Variants in BLK observed in about 807,000 individuals in gnomAD.
BLK encodes the protein BLK proto-oncogene, Src family tyrosine kinase, also known as tyrosine-protein kinase Blk.
BLK carries 64 observed loss-of-function variants against 61.8 expected under a neutral mutation model. That is an observed-to-expected ratio of 1.03 (90% CI 0.85 to 1.27). BLK has a LOEUF of 1.27. Among genes scored for constraint, BLK ranks in the 50% most tolerant of loss-of-function variants. The pLI is 0.00. For missense variants in BLK, 853 were observed against 660.5 expected (o/e 1.29, Z -3.19); for synonymous variants, 351 against 272.0 (o/e 1.29, Z -2.86).
At chr8:11,557,791 G>C (rs1348117172) in intron 9 of BLK, 171 bp from the exon 10 acceptor site, 3 of 631,646 alleles carry the variant, frequency 4.7e-6, no homozygotes, top group Non-Finnish European at 8.7e-6. Context: ...ATTTTGTAAA[G>C]TGGAAGGCAC....
In BLK at chr8:11,555,381, G is replaced by C; in HGVS notation, c.669G>C (p.Pro223=). Residue 223 remains proline (P), a synonymous_variant, in exon 8 of 13, where the codon CCG becomes CCC. Coordinates refer to ENST00000259089, the MANE Select transcript of BLK (RefSeq NM_001715.3). ...CQRLTLPCVR[P]APQNPWAQDE... is the part of the protein sequence containing the mutation. Reference sequence around the variant, plus strand: ...GGCTGACCCTGCCCTGTGTGCGCCCGGCCCCGCAGAATCCCTGGGCCCAGG... The same window carrying C: ...GGCTGACCCTGCCCTGTGTGCGCCCCGCCCCGCAGAATCCCTGGGCCCAGG... 1 of 1,614,148 alleles carries C rather than the reference G, an allele frequency of 6.2e-7. No individual in the cohort carries two copies. The highest frequency in any genetic ancestry group is 8.5e-7 in the Non-Finnish European group (1 of 1,180,022).
intron 1 of BLK, among the ~76,000 whole-genome samples, chr8:11,497,719 T>C (rs925423740): frequency 5.9e-5 from 9 of 152,208 alleles, no homozygotes; most frequent in African/African-American, 2.2e-4. Context: ...GATAATTGAA[T>C]GATCATCCCT....
intron 2 of BLK, 98 bp downstream of exon 2, chr8:11,543,445 G>T: frequency 6.6e-7 from 1 of 1,508,516 alleles, no homozygotes; most frequent in Non-Finnish European, 9.0e-7. Flanking sequence ...GTGCCTTCCT[G>T]ATAGGGATGT....
intron 1 of BLK, among the ~76,000 whole-genome samples, chr8:11,525,668 A>G (rs1799625173): frequency 6.6e-6 from 1 of 152,236 alleles, no homozygotes; most frequent in Non-Finnish European, 1.5e-5. Context: ...GTATAAACTG[A>G]AAACTCAAAA....
chr8:11,532,800 G>C lies in BLK; in HGVS notation c.-1-10424G>C, dbSNP rs533248555. ...TGTTACTGGATGACAGGCACTATGA[G>C]TGCTGAATATGATTAGTGAGCGCTG... On this transcript the variant is annotated intron_variant, in intron 1 of 12. Coordinates refer to ENST00000259089, the MANE Select transcript of BLK (RefSeq NM_001715.3). Among the ~76,000 whole-genome samples, 27 of 152,344 alleles carry C rather than the reference G, an allele frequency of 1.8e-4. No homozygotes were observed. The South Asian group carries it at 5.6e-3, about 32-fold the overall frequency.
At chr8:11,530,288 G>A (rs1799832500) in intron 1 of BLK, among the ~76,000 whole-genome samples, 1 of 152,090 alleles carries the variant, frequency 6.6e-6, no homozygotes, top group South Asian at 2.1e-4. Flanking sequence ...TTCTTCTTGA[G>A]GTCCCAACAA....
At chr8:11,532,821 C>T (rs993031338) in intron 1 of BLK, among the ~76,000 whole-genome samples, 8 of 152,174 alleles carry the variant, frequency 5.3e-5, no homozygotes, top group Non-Finnish European at 1.0e-4. Context: ...GATTAGTGAG[C>T]GCTGAATATT....
intron 1 of BLK, among the ~76,000 whole-genome samples, chr8:11,540,756 C>G (rs944216893): frequency 6.6e-6 from 1 of 151,438 alleles, no homozygotes; most frequent in Non-Finnish European, 1.5e-5. Flanking sequence ...TAAAGATTTA[C>G]TATTTGAAAG....
At chr8:11,511,119 C>G (rs1379202897) in intron 1 of BLK, among the ~76,000 whole-genome samples, 2 of 152,200 alleles carry the variant, frequency 1.3e-5, no homozygotes, top group Non-Finnish European at 2.9e-5. Context: ...CTATTTGAGG[C>G]TGAAGGAGCC....
Position 11,524,931 on chromosome 8 carries a change from A to AAG in BLK, c.-1-18293_-1-18292insAG, listed in dbSNP as rs397707314. Among the ~76,000 whole-genome samples the AAG allele has an allele frequency of 1.6e-3, 239 of 151,820 alleles. 1 individual carries two copies. The highest frequency in any genetic ancestry group is 5.0e-3 in the African/African-American group (209 of 41,406). On this transcript the variant is annotated intron_variant, in intron 1 of 12. Coordinates refer to ENST00000259089, the MANE Select transcript of BLK (RefSeq NM_001715.3). ...TTTGCTTTTTTACAAAAAAAAAAAA[A>AAG]GGCCATGGAAAATTACATATCACGA...
chr8:11,518,773 C>A (rs1799325511), intron 1 of BLK, among the ~76,000 whole-genome samples: 1 of 152,150 alleles, frequency 6.6e-6, no homozygotes, highest in Non-Finnish European at 1.5e-5. Context: ...CTGGGCCCTG[C>A]CCTCCTCTCA....
At position 11,561,205 on chromosome 8, in the gene BLK, C is replaced by G. The variant is rs773296708; in HGVS notation, c.1030-97C>G. The G allele has an allele frequency of 1.1e-5, 16 of 1,513,922 alleles. No individual in the cohort carries two copies. The East Asian group carries it at 3.4e-4, about 32-fold the overall frequency. 93.8% of individuals were successfully genotyped at this position (1,513,922 alleles called of 1,614,324 possible). On this transcript the variant is annotated intron_variant, in intron 10 of 12. Transcript: ENST00000259089. ...CTCCATCCAAGAAACAGCTCCTTCCCCAGCAGCCCACAGGGGCTGTGCGGG... is the reference window on the plus strand; with the variant it reads ...CTCCATCCAAGAAACAGCTCCTTCCGCAGCAGCCCACAGGGGCTGTGCGGG...
At chr8:11,543,795 C>T (rs1282558738) in intron 2 of BLK, among the ~76,000 whole-genome samples, 1 of 152,098 alleles carries the variant, frequency 6.6e-6, no homozygotes, top group African/African-American at 2.4e-5. Context: ...TTAAGTTTTC[C>T]TGGAATCCCA....
chr8:11,553,113 A>G (rs115652085), intron 6 of BLK: 2,296 of 193,544 alleles, frequency 0.012, 50 homozygotes, highest in African/African-American at 0.05. Flanking sequence ...ACATATGCAC[A>G]CACACACACA....
chr8:11,499,959 T>C (rs1345844444), intron 1 of BLK, among the ~76,000 whole-genome samples: 2 of 152,152 alleles, frequency 1.3e-5, no homozygotes, highest in African/African-American at 4.8e-5. Flanking sequence ...AAATCTTTTC[T>C]GGAAACACTA....
At chr8:11,518,180 G>C (rs1315727683) in intron 1 of BLK, among the ~76,000 whole-genome samples, 1 of 152,216 alleles carries the variant, frequency 6.6e-6, no homozygotes, top group East Asian at 1.9e-4. Flanking sequence ...AGCCTGCACA[G>C]AGTGGCCTTG....
rs1801432156 is a variant in BLK at position 11,560,173 on chromosome 8, GGATGGATGCATGGATGGATGGATGGA to G, written c.1030-1128_1030-1103del. Among the ~76,000 whole-genome samples the G allele has an allele frequency of 1.9e-3, 117 of 61,914 alleles. 1 individual carries two copies. Among genetic ancestry groups the G allele is most frequent in the African/African-American group, 5.4e-3 (103 of 19,202 alleles). The allele number at this position is 61,914 out of a possible 152,430, so 40.6% of individuals were successfully genotyped here. ...TGGGTGGGTGGGTGGGTGGGTGGAT[GGATGGATGCATGGATGGATGGATGGA>G]TGGATGGATGGATGGATGCATGCAT... On this transcript the variant is annotated intron_variant, in intron 10 of 12. Coordinates refer to ENST00000259089, the MANE Select transcript of BLK (RefSeq NM_001715.3).
intron 1 of BLK, chr8:11,509,529 C>T (rs2736353): frequency 0.84 from 127,595 of 152,126 alleles, 53,741 homozygotes; most frequent in Admixed American, 0.89. Context: ...GATGTGACTG[C>T]GCCCTTGCCA....
At chr8:11,543,857 C>T (rs113438408) in intron 2 of BLK, among the ~76,000 whole-genome samples, 120 of 152,250 alleles carry the variant, frequency 7.9e-4, no homozygotes, top group African/African-American at 2.6e-3. Flanking sequence ...AGTGAAATTT[C>T]AAGTGAAAAG....
Sources: allele counts gnomAD v4.1 joint callset (sites outside exome capture counted in the v4.1 genomes callset), GRCh38; gene constraint gnomAD v4.1.1; transcripts MANE v1.5; gene names NCBI Gene and HGNC (gene_info 2026-07-23, HGNC 2026-07-21).